The following DNAJB1 variants were observed in gnomAD, a reference collection of about 807,000 sequenced individuals.
The protein encoded by DNAJB1 is dnaJ homolog subfamily B member 1.
Under a neutral mutation model 24.0 loss-of-function variants are expected in DNAJB1, and 14 were observed. The observed-to-expected ratio is 0.58, with a 90% CI of 0.39 to 0.91. The LOEUF is 0.91. Ranked by LOEUF, DNAJB1 falls within the 40% of genes least tolerant of loss-of-function variation. The pLI, the probability that DNAJB1 is intolerant of heterozygous loss-of-function variation, is 0.00. For missense variants in DNAJB1, 517 were observed against 458.1 expected (o/e 1.13, Z -1.17); for synonymous variants, 262 against 174.4 (o/e 1.50, Z -3.96).
chr19:14,522,683 G>GACAGAC (rs1555726553), upstream of DNAJB1, among the ~76,000 whole-genome samples: 2 of 117,932 alleles, frequency 1.7e-5, no homozygotes, highest in East Asian at 2.3e-4. Flanking sequence ...CACACACACA[G>GACAGAC]ACACACACAC....
intron 1 of DNAJB1, among the ~76,000 whole-genome samples, chr19:14,540,637 C>G (rs2073066687): frequency 1.3e-5 from 2 of 152,004 alleles, no homozygotes; most frequent in Admixed American, 1.3e-4. Flanking sequence ...AGTGATCCAC[C>G]TGCCTGGGCC....
upstream of DNAJB1, among the ~76,000 whole-genome samples, chr19:14,552,662 G>A (rs2073571337): frequency 6.6e-6 from 1 of 151,686 alleles, no homozygotes; most frequent in Admixed American, 6.6e-5. Flanking sequence ...AGCCTCCCGA[G>A]TAGCTGGGAC....
chr19:14,552,728 G>T (rs1482203292), upstream of DNAJB1, among the ~76,000 whole-genome samples: 2 of 151,830 alleles, frequency 1.3e-5, no homozygotes, highest in African/African-American at 4.8e-5. Flanking sequence ...AGTAGAGACG[G>T]GGTTTCACTG....
intron 1 of DNAJB1, chr19:14,545,311 C>T: frequency 2.4e-6 from 1 of 413,314 alleles, no homozygotes; most frequent in Non-Finnish European, 4.9e-6. Context: ...AGGGCCTTTG[C>T]ATTCCCCGCC....
rs764622200 is a variant in DNAJB1 at position 14,518,360 on chromosome 19, T to G, written c.-11A>C. On this transcript the variant is annotated 5_prime_UTR_variant, in exon 1 of 3. Transcript: ENST00000254322. ...GTAGTCTTTACCCATGACCCCCTCC[T>G]GCGGCCCGCCGACCCGCTGTCGCCG... 6.5e-7 allele frequency: 1 copy of G among 1,543,318 alleles called. No homozygotes were observed. Among genetic ancestry groups the G allele is most frequent in the Non-Finnish European group, 8.7e-7 (1 of 1,153,842 alleles).
Position 14,516,139 on chromosome 19 carries a change from G to A in DNAJB1, c.824C>T (p.Thr275Ile). Reference sequence around the variant, plus strand: ...GACGGGTATCGTCCTGCCGTCCAGAGTGGGGACGTTCACTGTGCAGCCACA... The same window carrying A: ...GACGGGTATCGTCCTGCCGTCCAGAATGGGGACGTTCACTGTGCAGCCACA... ...ALCGCTVNVP[T>I]LDGRTIPVVF... The change falls in exon 3 of 3, where the codon ACT (threonine) becomes ATT (isoleucine). Residue 275 changes from threonine (T) to isoleucine (I), a missense_variant. By Grantham distance (89) the Thr-to-Ile change is moderately conservative. Coordinates refer to ENST00000254322, the MANE Select transcript of DNAJB1 (RefSeq NM_006145.3). 1 of 1,613,538 alleles carries A rather than the reference G, an allele frequency of 6.2e-7. No homozygotes were observed.
At chr19:14,527,198 T>TTTTTTTTA (rs2072443388) in intron 2 of DNAJB1, among the ~76,000 whole-genome samples, 1 of 96,646 alleles carries the variant, frequency 1.0e-5, no homozygotes, top group Non-Finnish European at 2.0e-5. Flanking sequence ...TTTTTTTTTT[T>TTTTTTTTA]GAGACGGAGT....
At chr19:14,551,164 C>G (rs2073490559), upstream of DNAJB1, among the ~76,000 whole-genome samples, 1 of 151,926 alleles carries the variant, frequency 6.6e-6, no homozygotes, top group Admixed American at 6.6e-5. Flanking sequence ...CTCCACCTCC[C>G]AGGTTCATAA....
rs73927065 is a variant in DNAJB1, at chr19:14,558,660, A to G, written c.-2166+1371T>C. On this transcript the variant is annotated intron_variant, in intron 1 of 5. Coordinates refer to the DNAJB1 transcript ENST00000679223. Reference sequence around the variant, plus strand: ...CTCCCTGCCCGTCGTGCCTGAGGCTATGTGGTCTCACCCCTTGCCCGTGGC... The same window carrying G: ...CTCCCTGCCCGTCGTGCCTGAGGCTGTGTGGTCTCACCCCTTGCCCGTGGC... Among the ~76,000 whole-genome samples, 399 of 152,160 alleles carry G rather than the reference A, an allele frequency of 2.6e-3. 4 individuals carry two copies. The highest frequency in any genetic ancestry group is 9.3e-3 in the African/African-American group (384 of 41,504).
upstream of DNAJB1, chr19:14,530,674 A>G (rs893332310): frequency 6.6e-6 from 1 of 152,198 alleles, no homozygotes; most frequent in Non-Finnish European, 1.5e-5. Context: ...CAGGACGCCA[A>G]GGTCTTAGTT....
chr19:14,541,178 G>A (rs897380579), intron 1 of DNAJB1, among the ~76,000 whole-genome samples: 12 of 151,954 alleles, frequency 7.9e-5, no homozygotes, highest in East Asian at 1.9e-4. Flanking sequence ...CAGTCTCACC[G>A]TGTTGCCCAG....
chr19:14,555,468 C>G (rs1366922948), intron 1 of DNAJB1, among the ~76,000 whole-genome samples: 1 of 93,506 alleles, frequency 1.1e-5, no homozygotes, highest in Non-Finnish European at 2.0e-5. Context: ...TTTTTTTAGA[C>G]AGAGCCTCAC....
Position 14,515,772 on chromosome 19 carries a change from C to T in DNAJB1, c.*168G>A. The T allele has an allele frequency of 6.1e-6, 4 of 652,766 alleles. No individual in the cohort carries two copies. In the South Asian group the frequency reaches 6.2e-5, roughly 10 times the overall value. 40.4% of individuals were successfully genotyped at this position (652,766 alleles called of 1,614,324 possible). A position where few individuals can be genotyped will look rare whatever the true frequency, so the allele number is the denominator to read the frequency against. ...CTATAGCTCGAAAAACCACTGAAGT[C>T]TAGTGTGCGACTTTGAAAGATTGTA... is the stretch of plus-strand genomic sequence containing the variant. On this transcript the variant is annotated 3_prime_UTR_variant, in exon 3 of 3. Transcript: ENST00000254322.
At chr19:14,532,153 G>C (rs895510811), upstream of DNAJB1, 6 of 152,304 alleles carry the variant, frequency 3.9e-5, no homozygotes, top group Admixed American at 2.6e-4. Context: ...CCCTGGGGGT[G>C]CGTGCTTTTG....
At chr19:14,528,727 G>A (rs979112051) in intron 1 of DNAJB1, among the ~76,000 whole-genome samples, 11 of 151,758 alleles carry the variant, frequency 7.2e-5, no homozygotes, top group Non-Finnish European at 1.3e-4. Context: ...ATCACCTGAG[G>A]TCAGGAGTTC....
chr19:14,521,129 A>G (rs1216783689), upstream of DNAJB1, among the ~76,000 whole-genome samples: 1 of 152,134 alleles, frequency 6.6e-6, no homozygotes, highest in African/African-American at 2.4e-5. Flanking sequence ...AGGCTTTAAC[A>G]TGGCTCTGGG....
chr19:14,527,165 C>CTTTTTTTTTTTTTTTT (rs369143149), intron 2 of DNAJB1, among the ~76,000 whole-genome samples: 4 of 41,304 alleles, frequency 9.7e-5, no homozygotes, highest in Non-Finnish European at 8.1e-5. Flanking sequence ...AATATCTCTG[C>CTTTTTTTTTTTTTTTT]TTTTTTTTTT....
intron 1 of DNAJB1, among the ~76,000 whole-genome samples, chr19:14,540,147 C>T (rs2073048962): frequency 6.6e-6 from 1 of 151,968 alleles, no homozygotes; most frequent in South Asian, 2.1e-4. Flanking sequence ...GCAAGCTCCA[C>T]CTCCCAGGTT....
intron 1 of DNAJB1, among the ~76,000 whole-genome samples, chr19:14,557,595 G>T (rs1402436023): frequency 6.6e-6 from 1 of 150,942 alleles, no homozygotes; most frequent in Non-Finnish European, 1.5e-5. Flanking sequence ...GGGATTACAG[G>T]CATGCACCAC....
Sources: allele counts gnomAD v4.1 joint callset (sites outside exome capture counted in the v4.1 genomes callset), GRCh38; gene constraint gnomAD v4.1.1; transcripts MANE v1.5; gene names NCBI Gene and HGNC (gene_info 2026-07-23, HGNC 2026-07-21).